The following TMTC2 variants were observed in gnomAD, a reference collection of about 807,000 sequenced individuals.
The protein encoded by TMTC2 is protein O-mannosyl-transferase TMTC2.
Under a neutral mutation model 82.4 loss-of-function variants are expected in TMTC2, and 43 were observed. The ratio of observed to expected loss-of-function variants is 0.52; its 90% CI spans 0.41 to 0.67. TMTC2 has a LOEUF of 0.67. Among genes scored for constraint, TMTC2 ranks in the 30% least tolerant of loss-of-function variants. TMTC2 has a pLI of 0.00. For missense variants in TMTC2, 919 were observed against 1,012.4 expected (o/e 0.91, Z 1.25); for synonymous variants, 408 against 381.9 (o/e 1.07, Z -0.80).
intron 8 of TMTC2, among the ~76,000 whole-genome samples, chr12:83,016,741 C>A (rs1186467837): frequency 6.6e-6 from 1 of 152,180 alleles, no homozygotes; most frequent in East Asian, 1.9e-4. Flanking sequence ...AATGTAATAG[C>A]ATGAACTGTG....
At chr12:82,997,414 A>ATATATATGTG (rs1555204081) in intron 8 of TMTC2, among the ~76,000 whole-genome samples, 8 of 29,944 alleles carry the variant, frequency 2.7e-4, no homozygotes, top group African/African-American at 6.2e-4. Flanking sequence ...ATATATGTGT[A>ATATATATGTG]TATATATATA....
Position 82,896,094 on chromosome 12 carries a change from C to G in TMTC2, c.931C>G (p.Leu311Val), listed in dbSNP as rs1873662177. 1 of 1,613,860 alleles carries G rather than the reference C, an allele frequency of 6.2e-7. No homozygotes were observed. Among genetic ancestry groups the G allele is most frequent in the African/African-American group, 1.3e-5 (1 of 74,832 alleles). ...CAAAACAGTTTGTGACTGGAGAAAC[C>G]TACACACTGTGGCCTTCTATACTGG... is the stretch of plus-strand genomic sequence containing the variant. ...LLKTVCDWRN[L>V]HTVAFYTGLL... Residue 311 changes from leucine to valine, a missense_variant, in exon 3 of 12, where the codon CTA (leucine) becomes GTA (valine). Coordinates refer to ENST00000321196, the MANE Select transcript of TMTC2 (RefSeq NM_152588.3).
At chr12:83,083,260 T>C (rs1004592152) in intron 11 of TMTC2, among the ~76,000 whole-genome samples, 2 of 152,242 alleles carry the variant, frequency 1.3e-5, no homozygotes, top group Non-Finnish European at 2.9e-5. Flanking sequence ...AATGAGCAGA[T>C]TGGCATTATC....
chr12:83,055,705 G>GGTGTGTGTGTGT (rs58129444), intron 10 of TMTC2, among the ~76,000 whole-genome samples: 33 of 147,974 alleles, frequency 2.2e-4, no homozygotes, highest in Admixed American at 6.8e-4. Flanking sequence ...TAGTGGAAGG[G>GGTGTGTGTGTGT]GTGTGTGTGT....
intron 1 of TMTC2, among the ~76,000 whole-genome samples, chr12:82,797,103 C>A (rs1032137461): frequency 6.6e-6 from 1 of 152,092 alleles, no homozygotes; most frequent in African/African-American, 2.4e-5. Flanking sequence ...TCATACTTTA[C>A]ATTGTTCGTA....
intron 8 of TMTC2, among the ~76,000 whole-genome samples, chr12:82,997,249 A>G (rs1879674186): frequency 7.8e-6 from 1 of 128,188 alleles, no homozygotes; most frequent in Non-Finnish European, 1.6e-5. Flanking sequence ...ATGTATAGTT[A>G]TATACGTCTA....
At chr12:82,936,777 T>C (rs1876340734) in intron 4 of TMTC2, among the ~76,000 whole-genome samples, 1 of 152,188 alleles carries the variant, frequency 6.6e-6, no homozygotes, top group Non-Finnish European at 1.5e-5. Context: ...TTACTACATT[T>C]AATGTTGAAG....
chr12:82,964,193 GA>G (rs911567427), intron 4 of TMTC2, among the ~76,000 whole-genome samples: 1 of 151,744 alleles, frequency 6.6e-6, no homozygotes, highest in African/African-American at 2.4e-5. Context: ...AGAGAATGGG[GA>G]TAGGCCAAAA....
chr12:82,896,351 G>C lies in TMTC2; in HGVS notation c.1188G>C (p.Leu396=). The change falls in exon 3 of 12, where the codon CTG becomes CTC. Residue 396 remains leucine (L), a synonymous_variant. Coordinates refer to ENST00000321196, the MANE Select transcript of TMTC2 (RefSeq NM_152588.3). ...QLPSTENIVV[L]SLSLLIIPFV... ...CTTCTACGGAGAACATTGTTGTTCT[G>C]TCTTTATCTTTGTTAATCATACCCT... The C allele has an allele frequency of 6.2e-7, 1 of 1,614,118 alleles. No homozygotes were observed. Among genetic ancestry groups the C allele is most frequent in the Non-Finnish European group, 8.5e-7 (1 of 1,180,026 alleles).
intron 1 of TMTC2, among the ~76,000 whole-genome samples, chr12:82,823,846 A>G (rs1869252238): frequency 6.6e-6 from 1 of 151,436 alleles, no homozygotes; most frequent in South Asian, 2.1e-4. Context: ...ATAAAGACAG[A>G]CAGGAAGAAT....
At chr12:82,915,044 C>T (rs1315318241) in intron 3 of TMTC2, among the ~76,000 whole-genome samples, 3 of 152,050 alleles carry the variant, frequency 2.0e-5, no homozygotes, top group South Asian at 4.2e-4. Context: ...AGGCTGGTCT[C>T]GAACTCCTGA....
chr12:82,816,813 G>A (rs1868759090), intron 1 of TMTC2, among the ~76,000 whole-genome samples: 1 of 152,008 alleles, frequency 6.6e-6, no homozygotes, highest in Non-Finnish European at 1.5e-5. Flanking sequence ...TATGTTAGAA[G>A]GAATATTGGA....
chr12:82,794,971 C>G lies in TMTC2; in HGVS notation c.84-62039C>G, dbSNP rs1434964325. On this transcript the variant is annotated intron_variant, in intron 1 of 11. Coordinates refer to ENST00000321196, the MANE Select transcript of TMTC2 (RefSeq NM_152588.3). Reference sequence around the variant, plus strand: ...GGCCGGGATTCTAAGAGAGGTAAGCCAACATAGAAGAGTTCATCTGTGAAT... The same window carrying G: ...GGCCGGGATTCTAAGAGAGGTAAGCGAACATAGAAGAGTTCATCTGTGAAT... Among the ~76,000 whole-genome samples the G allele has an allele frequency of 9.9e-5, 15 of 151,998 alleles. 1 individual carries two copies. The highest frequency in any genetic ancestry group is 9.8e-4 in the Admixed American group (15 of 15,260).
chr12:82,987,020 G>A (rs968025863), intron 8 of TMTC2, among the ~76,000 whole-genome samples: 1 of 152,076 alleles, frequency 6.6e-6, no homozygotes, highest in Non-Finnish European at 1.5e-5. Context: ...CAAATGATCA[G>A]GAAGGTGATT....
intron 2 of TMTC2, among the ~76,000 whole-genome samples, chr12:82,892,390 T>C (rs986910167): frequency 5.9e-5 from 9 of 152,214 alleles, no homozygotes; most frequent in African/African-American, 2.2e-4. Flanking sequence ...TTAAATTTTC[T>C]TTTTAGCATA....
At chr12:83,070,890 T>C (rs1196646197) in intron 11 of TMTC2, among the ~76,000 whole-genome samples, 1 of 152,204 alleles carries the variant, frequency 6.6e-6, no homozygotes, top group Admixed American at 6.5e-5. Flanking sequence ...CTGAGAGTTT[T>C]AATCATGAAG....
intron 2 of TMTC2, among the ~76,000 whole-genome samples, chr12:82,866,244 CAAA>C (rs762068833): frequency 7.6e-5 from 4 of 52,330 alleles, no homozygotes; most frequent in Non-Finnish European, 1.8e-4. Flanking sequence ...TTGAAAAGAT[CAAA>C]AAAAAAAAAA....
At chr12:82,764,139 CAT>C (rs1248481749) in intron 1 of TMTC2, among the ~76,000 whole-genome samples, 3 of 152,170 alleles carry the variant, frequency 2.0e-5, no homozygotes, top group African/African-American at 7.2e-5. Context: ...TATACACACA[CAT>C]ACACACTTTT....
At chr12:82,869,518 T>G (rs2137133884) in intron 2 of TMTC2, among the ~76,000 whole-genome samples, 1 of 152,134 alleles carries the variant, frequency 6.6e-6, no homozygotes, top group African/African-American at 2.4e-5. Flanking sequence ...TAGAAACCAT[T>G]TGTCCATCTC....
Sources: gnomAD v4.1 joint callset for allele counts (sites outside exome capture counted in the v4.1 genomes callset) on GRCh38, gnomAD v4.1.1 for gene constraint, MANE v1.5 for transcripts, NCBI Gene and HGNC (gene_info 2026-07-23, HGNC 2026-07-21) for gene names.